ITGA8: variants seen among roughly 807,000 people sequenced by gnomAD.
ITGA8 encodes integrin alpha-8.
In ITGA8, 91 loss-of-function variants were observed where a neutral mutation model predicts 142.3. That is an observed-to-expected ratio of 0.64 (90% CI 0.54 to 0.76). ITGA8 has a LOEUF of 0.76. Among genes scored for constraint, ITGA8 ranks in the 30% least tolerant of loss-of-function variants. The probability of loss-of-function intolerance (pLI) is 0.00; values close to 1 mark genes in which losing one functional copy is unlikely to be tolerated. For missense variants in ITGA8, 1,406 were observed against 1,327.7 expected (o/e 1.06, Z -0.92); for synonymous variants, 505 against 485.2 (o/e 1.04, Z -0.54).
At chr10:15,687,743 T>C (rs538492301) in intron 3 of ITGA8, among the ~76,000 whole-genome samples, 195 bp downstream of exon 3, 1 of 152,378 alleles carries the variant, frequency 6.6e-6, no homozygotes, top group South Asian at 2.1e-4. Context: ...AAACAGGCTT[T>C]ATTTCCTATA....
intron 27 of ITGA8, among the ~76,000 whole-genome samples, chr10:15,533,792 G>C (rs554281528): frequency 1.3e-5 from 2 of 152,298 alleles, no homozygotes; most frequent in South Asian, 4.1e-4. Context: ...TTGAACTCTA[G>C]GATGTAGAAT....
intron 29 of ITGA8, among the ~76,000 whole-genome samples, chr10:15,517,665 A>T (rs1832988020): frequency 6.6e-6 from 1 of 152,210 alleles, no homozygotes; most frequent in Non-Finnish European, 1.5e-5. Flanking sequence ...TGCACGTATA[A>T]TCAGTCTGTT....
At chr10:15,546,784 A>G (rs1394281181) in intron 27 of ITGA8, among the ~76,000 whole-genome samples, 1 of 148,184 alleles carries the variant, frequency 6.7e-6, no homozygotes, top group Non-Finnish European at 1.5e-5. Context: ...ACACAGAAAA[A>G]GCAATGAAAA....
intron 13 of ITGA8, among the ~76,000 whole-genome samples, chr10:15,639,076 CTA>C (rs2131641154): frequency 6.6e-6 from 1 of 151,852 alleles, no homozygotes; most frequent in East Asian, 1.9e-4. Context: ...CTGCAGTGAG[CTA>C]TGATTTGTGC....
In ITGA8 at chr10:15,647,033, A is replaced by G; in HGVS notation, c.1020T>C (p.Val340=). The change falls in exon 12 of 30, where the codon GTT becomes GTC. Residue 340 remains valine (V), a synonymous_variant. Transcript: ENST00000378076. Reference sequence around the variant, plus strand: ...CACGTTCCATAAAGAGAGGTGCCCCAACCAGGACATCATCCAGTCTGTAAG... The same window carrying G: ...CACGTTCCATAAAGAGAGGTGCCCCGACCAGGACATCATCCAGTCTGTAAG... ...VNSDGLDDVL[V]GAPLFMEREF... The G allele has an allele frequency of 6.2e-7, 1 of 1,613,534 alleles. No individual in the cohort carries two copies. Among genetic ancestry groups the G allele is most frequent in the Non-Finnish European group, 8.5e-7 (1 of 1,179,988 alleles).
At chr10:15,606,261 C>A in intron 18 of ITGA8, 24 bp downstream of exon 18, 3 of 1,570,704 alleles carry the variant, frequency 1.9e-6, no homozygotes, top group Non-Finnish European at 2.6e-6. Flanking sequence ...GAGAAAATGC[C>A]GTCAAAGACT....
At chr10:15,517,415 C>T (rs1475468476) in intron 29 of ITGA8, among the ~76,000 whole-genome samples, 171 bp from the exon 30 acceptor site, 3 of 152,100 alleles carry the variant, frequency 2.0e-5, no homozygotes, top group South Asian at 2.1e-4. Flanking sequence ...ACCTCCGCCT[C>T]CCGGTTCAAG....
intron 13 of ITGA8, among the ~76,000 whole-genome samples, chr10:15,637,887 C>T (rs1180824107): frequency 2.6e-5 from 4 of 151,714 alleles, no homozygotes; most frequent in Non-Finnish European, 5.9e-5. Context: ...ACTCTGTGTA[C>T]ATACATATAT....
At chr10:15,604,650 G>T (rs1402511889) in intron 19 of ITGA8, among the ~76,000 whole-genome samples, 1 of 150,186 alleles carries the variant, frequency 6.7e-6, no homozygotes, top group Non-Finnish European at 1.5e-5. Flanking sequence ...TCCATGAACC[G>T]TGGTCATTTT....
intron 13 of ITGA8, among the ~76,000 whole-genome samples, chr10:15,627,600 G>A (rs1425793527): frequency 2.0e-5 from 3 of 152,192 alleles, no homozygotes; most frequent in Admixed American, 2.0e-4. Context: ...GGCCTTTGTT[G>A]CTGTATTAGT....
chr10:15,636,009 T>C (rs999831894), intron 13 of ITGA8, among the ~76,000 whole-genome samples: 2 of 152,082 alleles, frequency 1.3e-5, no homozygotes, highest in Non-Finnish European at 2.9e-5. Flanking sequence ...AGTGTAATTG[T>C]CTGAAATGGC....
At chr10:15,608,918 G>C (rs9333154) in intron 15 of ITGA8, among the ~76,000 whole-genome samples, 3,398 of 152,138 alleles carry the variant, frequency 0.022, 102 homozygotes, top group East Asian at 0.082. Context: ...GTTGGGGTAA[G>C]ACTGGAGGTT....
chr10:15,609,062 G>T (rs944233120), intron 15 of ITGA8, among the ~76,000 whole-genome samples: 2 of 152,120 alleles, frequency 1.3e-5, no homozygotes, highest in Non-Finnish European at 2.9e-5. Flanking sequence ...CTTTGGAGTT[G>T]TGCCTTGAAC....
chr10:15,647,685 A>G (rs1418241401), intron 11 of ITGA8, among the ~76,000 whole-genome samples: 1 of 149,804 alleles, frequency 6.7e-6, no homozygotes, highest in Non-Finnish European at 1.5e-5. Context: ...GATGGTCTCG[A>G]TCTCCTGACC....
At chr10:15,705,454 G>T (rs1356515004) in intron 2 of ITGA8, among the ~76,000 whole-genome samples, 1 of 152,130 alleles carries the variant, frequency 6.6e-6, no homozygotes, top group Admixed American at 6.6e-5. Context: ...GATGAAATGC[G>T]TTTCTGCTGC....
chr10:15,670,185 G>A (rs1834484812), intron 8 of ITGA8, among the ~76,000 whole-genome samples: 1 of 152,220 alleles, frequency 6.6e-6, no homozygotes, highest in African/African-American at 2.4e-5. Context: ...TTAGTGAAAT[G>A]CAGTCAGTGT....
intron 8 of ITGA8, among the ~76,000 whole-genome samples, chr10:15,665,820 T>C (rs922010272): frequency 1.3e-5 from 2 of 152,186 alleles, no homozygotes; most frequent in African/African-American, 4.8e-5. Flanking sequence ...AAAGATCAGA[T>C]AGTTGTAGAT....
At chr10:15,607,418 C>G (rs1340350265) in intron 17 of ITGA8, among the ~76,000 whole-genome samples, 1 of 152,046 alleles carries the variant, frequency 6.6e-6, no homozygotes, top group Admixed American at 6.6e-5. Flanking sequence ...GAAATGAAAA[C>G]CATGTGAGCT....
intron 11 of ITGA8, among the ~76,000 whole-genome samples, chr10:15,653,457 C>G (rs1027418699): frequency 6.6e-6 from 1 of 152,242 alleles, no homozygotes; most frequent in Admixed American, 6.5e-5. Context: ...ACCGTCACAT[C>G]AGAGGGGCAC....
Sources: allele counts gnomAD v4.1 joint callset (sites outside exome capture counted in the v4.1 genomes callset), GRCh38; gene constraint gnomAD v4.1.1; transcripts MANE v1.5; gene names NCBI Gene and HGNC (gene_info 2026-07-23, HGNC 2026-07-21).